Variants in CCDC88C observed in about 807,000 individuals in gnomAD.
CCDC88C encodes the protein coiled-coil and HOOK domain protein 88C.
CCDC88C carries 131 observed loss-of-function variants against 198.8 expected under a neutral mutation model. The ratio of observed to expected loss-of-function variants is 0.66; its 90% CI spans 0.57 to 0.76. The LOEUF (loss-of-function observed/expected upper bound fraction) is 0.76, where lower values mean the gene tolerates loss of function less well. CCDC88C is among the 30% of genes least tolerant of loss of function. The pLI is 0.00. For synonymous variants in CCDC88C, 1,166 were observed against 1,114.7 expected, an observed-to-expected ratio of 1.05 and a Z score of -0.92; for missense variants, 2,553 against 2,631.6, an observed-to-expected ratio of 0.97 and a Z score of 0.65.
At position 91,284,142 on chromosome 14, in the gene CCDC88C, TAAAAGA is replaced by T. The variant is rs1890310236; in HGVS notation, c.4442-631_4442-626del. Among the ~76,000 whole-genome samples the T allele has an allele frequency of 6.6e-6, 1 of 152,080 alleles. No individual in the cohort carries two copies. Among genetic ancestry groups the T allele is most frequent in the Non-Finnish European group, 1.5e-5 (1 of 68,024 alleles). On this transcript the variant is annotated intron_variant, in intron 25 of 29. Coordinates refer to ENST00000389857, the MANE Select transcript of CCDC88C (RefSeq NM_001080414.4). The surrounding 1 kb of genome is among the most constrained non-coding windows in gnomAD (Gnocchi z 4.1). ...AATTAAATAAAAACATATAAAATCA[TAAAAGA>T]AAAACAGCCCATAAAACCAAGTACC...
intron 10 of CCDC88C, among the ~76,000 whole-genome samples, chr14:91,328,003 C>T (rs1489385863): frequency 2.6e-5 from 4 of 152,200 alleles, no homozygotes; most frequent in Admixed American, 2.0e-4. Context: ...CACAGCAGGC[C>T]GGCCTGTTCC....
chr14:91,367,123 G>A (rs889029991), intron 3 of CCDC88C, among the ~76,000 whole-genome samples: 13 of 152,324 alleles, frequency 8.5e-5, no homozygotes, highest in Non-Finnish European at 1.9e-4. Context: ...CTCGCAGCTT[G>A]ATATTTTACC....
chr14:91,296,677 C>T (rs1040667619), intron 22 of CCDC88C, among the ~76,000 whole-genome samples: 12 of 152,178 alleles, frequency 7.9e-5, no homozygotes, highest in East Asian at 1.9e-4. Context: ...GGGCAAAAGG[C>T]GTCTGAGACT....
At chr14:91,296,670 C>T (rs1891017434) in intron 22 of CCDC88C, among the ~76,000 whole-genome samples, 1 of 152,182 alleles carries the variant, frequency 6.6e-6, no homozygotes, top group Non-Finnish European at 1.5e-5. Context: ...GGGATCTGGG[C>T]AAAAGGCGTC....
At position 91,338,013 on chromosome 14, in the gene CCDC88C, G is replaced by A. The variant is rs775654166; in HGVS notation, c.1042C>T (p.Arg348Cys). The change falls in exon 10 of 30, where the codon CGC becomes TGC. Residue 348 changes from arginine (R) to cysteine (C), a missense_variant. Around this residue, in one of 2 missense-constraint regions of CCDC88C, gnomAD observed 1,260 missense variants for 1,412.0 expected, o/e 0.89. Coordinates refer to ENST00000389857, the MANE Select transcript of CCDC88C (RefSeq NM_001080414.4). This position sits in a 1 kb window ranked among gnomAD's most constrained non-coding sequence, Gnocchi z 4.8. The part of the protein sequence containing the change: ...KLHDVDFYKA[R>C]MEELREDNII... ...ACAGCAAGGCTCCCTACCTCCATGC[G>A]GGCCTTGTAGAAGTCCACGTCGTGC... 7 of 1,611,304 alleles carry A rather than the reference G, an allele frequency of 4.3e-6. No homozygotes were observed. The highest frequency in any genetic ancestry group is 3.3e-5 in the Admixed American group (2 of 60,016).
chr14:91,291,117 C>G (rs1199350852), intron 23 of CCDC88C, 33 bp from the exon 24 acceptor site: 4 of 1,216,484 alleles, frequency 3.3e-6, no homozygotes, highest in Admixed American at 2.0e-5. Flanking sequence ...ACCTATCAAT[C>G]CAGTTTTAAA....
intron 16 of CCDC88C, 59 bp from the exon 17 acceptor site, chr14:91,308,551 G>A: frequency 6.5e-7 from 1 of 1,540,446 alleles, no homozygotes; most frequent in Non-Finnish European, 8.9e-7. Flanking sequence ...CAAGTTCCCA[G>A]TGTCCTCGCT....
chr14:91,339,153 C>G lies in CCDC88C; in HGVS notation c.809+125G>C. The G allele has an allele frequency of 8.5e-7, 1 of 1,177,888 alleles. No homozygotes were observed. The highest frequency in any genetic ancestry group is 1.2e-6 in the Non-Finnish European group (1 of 812,686). The allele number at this position is 1,177,888 out of a possible 1,614,324, so 73.0% of individuals were successfully genotyped here. ...GGTCAAAGAGTAAGCTCAGGGCAGACCCCAGCTGACTCCGGGGCACACGTC... is the reference window on the plus strand; with the variant it reads ...GGTCAAAGAGTAAGCTCAGGGCAGAGCCCAGCTGACTCCGGGGCACACGTC... On this transcript the variant is annotated intron_variant, in intron 8 of 29. Transcript: ENST00000389857. This position sits in a 1 kb window ranked among gnomAD's most constrained non-coding sequence, Gnocchi z 5.8.
chr14:91,291,521 A>T (rs1394635450), intron 23 of CCDC88C, among the ~76,000 whole-genome samples: 2 of 152,220 alleles, frequency 1.3e-5, no homozygotes, highest in Admixed American at 1.3e-4. Flanking sequence ...TCAGCTCAGC[A>T]AAGTCAGATG....
At position 91,339,357 on chromosome 14, in the gene CCDC88C, G is replaced by T; in HGVS notation, c.730C>A (p.Leu244Ile). Reference sequence around the variant, plus strand: ...AGGTGCTGCTTGTCTTCGCTAGAGAGGCTGCTGGTGGGGCTGGGAGTGGAG... The same window carrying T: ...AGGTGCTGCTTGTCTTCGCTAGAGATGCTGCTGGTGGGGCTGGGAGTGGAG... ...ADSTPSPTSS[L>I]SSEDKQHLAV... Residue 244 changes from leucine to isoleucine, a missense_variant, in exon 8 of 30, where the codon CTC becomes ATC. Coordinates refer to ENST00000389857, the MANE Select transcript of CCDC88C (RefSeq NM_001080414.4). This position sits in a 1 kb window ranked among gnomAD's most constrained non-coding sequence, Gnocchi z 5.8. The T allele has an allele frequency of 6.2e-7, 1 of 1,613,926 alleles. No homozygotes were observed.
chr14:91,361,282 G>GT (rs1894294471), intron 3 of CCDC88C, among the ~76,000 whole-genome samples: 1 of 152,118 alleles, frequency 6.6e-6, no homozygotes, highest in African/African-American at 2.4e-5. Flanking sequence ...AACTAGTTTC[G>GT]TAAGTCGCTC....
chr14:91,337,621 G>A (rs957375041), intron 10 of CCDC88C, among the ~76,000 whole-genome samples: 4 of 152,236 alleles, frequency 2.6e-5, no homozygotes, highest in African/African-American at 4.8e-5. Context: ...GAATATAGGC[G>A]TGAGCCGCTG....
At chr14:91,374,587 C>A (rs1248285156) in intron 3 of CCDC88C, among the ~76,000 whole-genome samples, 1 of 151,864 alleles carries the variant, frequency 6.6e-6, no homozygotes, top group East Asian at 1.9e-4. Flanking sequence ...TGGAGAATCC[C>A]AGGCAGAGGG....
chr14:91,339,294 G>A lies in CCDC88C; in HGVS notation c.793C>T (p.Arg265Cys), dbSNP rs781320517. 3 of 1,612,792 alleles carry A rather than the reference G, an allele frequency of 1.9e-6. No individual in the cohort carries two copies. The highest frequency in any genetic ancestry group is 3.9e-4 in the Middle Eastern group (2 of 5,162). ...ELADTKARLR[R>C]VRQELEDKTE... ...GGGACTCACAGCTCCTGCCTGACGC[G>A]CCGCAGCCTGGCCTTGGTGTCGGCC... Residue 265 changes from arginine (R) to cysteine (C), a missense_variant, in exon 8 of 30, where the codon CGC (arginine) becomes TGC (cysteine). Arg to Cys is a radical substitution (Grantham distance 180). Coordinates refer to ENST00000389857, the MANE Select transcript of CCDC88C (RefSeq NM_001080414.4). The surrounding 1 kb of genome is among the most constrained non-coding windows in gnomAD (Gnocchi z 5.8).
At chr14:91,360,380 C>G (rs796302749) in intron 3 of CCDC88C, among the ~76,000 whole-genome samples, 9 of 151,696 alleles carry the variant, frequency 5.9e-5, no homozygotes, top group Admixed American at 3.3e-4. Flanking sequence ...CCTGGGTGGT[C>G]GAAGATACAG....
intron 18 of CCDC88C, 75 bp from the exon 19 acceptor site, chr14:91,306,001 T>C (rs1051030493): frequency 2.0e-6 from 3 of 1,483,932 alleles, no homozygotes; most frequent in African/African-American, 1.4e-5. Context: ...ACTTGGGTTG[T>C]AACGAACCCT....
chr14:91,287,804 TG>T (rs1255563989), intron 25 of CCDC88C, among the ~76,000 whole-genome samples: 5 of 152,160 alleles, frequency 3.3e-5, no homozygotes, highest in Admixed American at 3.3e-4. Context: ...AGGCATAGGC[TG>T]GGTCTTCAGA....
chr14:91,297,962 G>T (rs182052443), intron 21 of CCDC88C, among the ~76,000 whole-genome samples: 10 of 152,326 alleles, frequency 6.6e-5, no homozygotes, highest in Admixed American at 2.0e-4. Context: ...CAGCTCGTGA[G>T]ATAAAGTGTG....
chr14:91,411,728 C>T (rs1301227158), intron 2 of CCDC88C, among the ~76,000 whole-genome samples: 1 of 151,996 alleles, frequency 6.6e-6, no homozygotes, highest in African/African-American at 2.4e-5. Flanking sequence ...TTTGGGAGGC[C>T]GAGGTGAGAG....
Sources: allele counts gnomAD v4.1 joint callset (sites outside exome capture counted in the v4.1 genomes callset), GRCh38; gene constraint gnomAD v4.1.1; regional missense constraint gnomAD v4.1.1; non-coding constraint Gnocchi (gnomAD v3.1); transcripts MANE v1.5; gene names NCBI Gene and HGNC (gene_info 2026-07-23, HGNC 2026-07-21).